BTBD9: variants seen among roughly 807,000 people sequenced by gnomAD.
BTBD9 encodes the protein BTB domain containing 9.
In BTBD9, 49 loss-of-function variants were observed where a neutral mutation model predicts 64.3. The ratio of observed to expected loss-of-function variants is 0.76; its 90% CI spans 0.61 to 0.97. The LOEUF (loss-of-function observed/expected upper bound fraction) is 0.97, where lower values mean the gene tolerates loss of function less well. Ranked by LOEUF, BTBD9 falls within the 50% of genes least tolerant of loss-of-function variation. The probability of loss-of-function intolerance (pLI) is 0.00; values close to 1 mark genes in which losing one functional copy is unlikely to be tolerated. For synonymous variants in BTBD9, 260 were observed against 274.7 expected (o/e 0.95, Z 0.53); for missense variants, 598 against 762.1 (o/e 0.78, Z 2.53).
intron 10 of BTBD9, among the ~76,000 whole-genome samples, chr6:38,182,917 C>CTT (rs35737243): frequency 2.0e-5 from 3 of 151,492 alleles, no homozygotes; most frequent in Non-Finnish European, 2.9e-5. Context: ...CTTTTCCTCT[C>CTT]TTTTTTTCCA....
intron 7 of BTBD9, among the ~76,000 whole-genome samples, chr6:38,339,211 G>A (rs1046191690): frequency 1.3e-5 from 2 of 152,066 alleles, no homozygotes; most frequent in Non-Finnish European, 2.9e-5. Context: ...CAACCCAAAC[G>A]GTTCATCAAT....
At chr6:38,541,874 T>C (rs1353971721) in intron 6 of BTBD9, among the ~76,000 whole-genome samples, 1 of 152,248 alleles carries the variant, frequency 6.6e-6, no homozygotes, top group African/African-American at 2.4e-5. Flanking sequence ...CTTCCATTTG[T>C]ATATGAGTAG....
chr6:38,424,043 T>C (rs1470382522), intron 6 of BTBD9, among the ~76,000 whole-genome samples: 1 of 151,996 alleles, frequency 6.6e-6, no homozygotes, highest in East Asian at 1.9e-4. Context: ...GAGATATGTA[T>C]TCAAAGCATC....
rs1322447409 is a variant in BTBD9, at chr6:38,174,630, CTGAG to C, written c.*351_*354del. The C allele has an allele frequency of 1.6e-5, 4 of 249,834 alleles. No individual in the cohort carries two copies. The allele number at this position is 249,834 out of a possible 1,614,324, so 15.5% of individuals were successfully genotyped here. A position where few individuals can be genotyped will look rare whatever the true frequency, so the allele number is the denominator to read the frequency against. ...AAGGCCCAATGGCTTTCTCCTCCGC[CTGAG>C]TGTTTGCGTGCCATTTTTGTATTCC... On this transcript the variant is annotated 3_prime_UTR_variant, in exon 11 of 11. Transcript: ENST00000481247.
intron 9 of BTBD9, among the ~76,000 whole-genome samples, chr6:38,204,195 A>C (rs538416579): frequency 2.0e-5 from 3 of 152,310 alleles, no homozygotes; most frequent in Admixed American, 2.0e-4. Flanking sequence ...GAGAGGTGTG[A>C]TATGATCCAA....
intron 6 of BTBD9, among the ~76,000 whole-genome samples, chr6:38,500,655 C>T (rs1772155698): frequency 6.6e-6 from 1 of 152,194 alleles, no homozygotes; most frequent in Non-Finnish European, 1.5e-5. Context: ...AATGCCTATC[C>T]ATTGCTCTTA....
intron 6 of BTBD9, among the ~76,000 whole-genome samples, chr6:38,456,635 T>C (rs766153170): frequency 9.2e-5 from 14 of 152,322 alleles, no homozygotes; most frequent in Non-Finnish European, 1.8e-4. Flanking sequence ...TTTTCATGTG[T>C]TTGGTTGCCA....
chr6:38,436,518 G>C (rs1768747936), intron 6 of BTBD9, among the ~76,000 whole-genome samples: 1 of 151,430 alleles, frequency 6.6e-6, no homozygotes, highest in South Asian at 2.1e-4. Flanking sequence ...TGGGATTATA[G>C]GCGTGCGAAA....
At chr6:38,206,642 C>A (rs1463331009) in intron 9 of BTBD9, among the ~76,000 whole-genome samples, 2 of 151,956 alleles carry the variant, frequency 1.3e-5, no homozygotes, top group Non-Finnish European at 1.5e-5. Flanking sequence ...ATCCTAATGC[C>A]AACAAGAAAT....
chr6:38,193,450 CCTGA>C (rs1392987831), intron 9 of BTBD9, among the ~76,000 whole-genome samples: 1 of 152,186 alleles, frequency 6.6e-6, no homozygotes, highest in East Asian at 1.9e-4. Context: ...TTAAGACTGG[CCTGA>C]CTCTGTCTGG....
intron 4 of BTBD9, chr6:38,588,014 C>A (rs1426311736): frequency 1.4e-6 from 1 of 738,914 alleles, no homozygotes; most frequent in Non-Finnish European, 2.5e-6. Context: ...GCCACAGCAA[C>A]CACCATATAC....
chr6:38,633,803 T>C (rs1245223970), intron 1 of BTBD9, among the ~76,000 whole-genome samples: 1 of 151,910 alleles, frequency 6.6e-6, no homozygotes, highest in Non-Finnish European at 1.5e-5. Context: ...AAAAAAAAAA[T>C]ATACATCTCT....
chr6:38,488,423 C>T lies in BTBD9; in HGVS notation c.1154+89177G>A, dbSNP rs116755508. Reference sequence around the variant, plus strand: ...TCAGAATTATCCAGGTTTAGAGCTGCAAGGAACCGTATAGAAACTATGGAC... The same window carrying T: ...TCAGAATTATCCAGGTTTAGAGCTGTAAGGAACCGTATAGAAACTATGGAC... On this transcript the variant is annotated intron_variant, in intron 6 of 10. Coordinates refer to ENST00000481247, the MANE Select transcript of BTBD9 (RefSeq NM_001099272.2). Among the ~76,000 whole-genome samples the T allele has an allele frequency of 1.9e-3, 285 of 152,278 alleles. 1 individual carries two copies. The highest frequency in any genetic ancestry group is 6.5e-3 in the African/African-American group (270 of 41,562).
chr6:38,519,237 G>T (rs1045297491), intron 6 of BTBD9, among the ~76,000 whole-genome samples: 4 of 152,152 alleles, frequency 2.6e-5, no homozygotes, highest in Admixed American at 6.6e-5. Flanking sequence ...TAAAACTTGG[G>T]ATCATAAGGG....
intron 6 of BTBD9, chr6:38,402,695 T>C (rs558975215): frequency 1.5e-4 from 98 of 637,822 alleles, no homozygotes; most frequent in Non-Finnish European, 2.6e-4. Flanking sequence ...AACATAAGAG[T>C]CAAAACTATA....
At chr6:38,330,828 A>G (rs1197226648) in intron 7 of BTBD9, among the ~76,000 whole-genome samples, 1 of 152,232 alleles carries the variant, frequency 6.6e-6, no homozygotes, top group Non-Finnish European at 1.5e-5. Context: ...AATTGGCCAC[A>G]AATTTTAGAA....
At chr6:38,296,880 A>C (rs1223395251) in intron 7 of BTBD9, among the ~76,000 whole-genome samples, 1 of 152,188 alleles carries the variant, frequency 6.6e-6, no homozygotes, top group Non-Finnish European at 1.5e-5. Flanking sequence ...GTCCGATGTG[A>C]CTTCGTAAAA....
chr6:38,362,366 T>C (rs1764996818), intron 6 of BTBD9, among the ~76,000 whole-genome samples: 2 of 152,212 alleles, frequency 1.3e-5, no homozygotes, highest in Admixed American at 1.3e-4. Flanking sequence ...CATTTTCCTT[T>C]TCAAAGTACC....
At chr6:38,569,323 C>T (rs980560042) in intron 6 of BTBD9, among the ~76,000 whole-genome samples, 9 of 152,092 alleles carry the variant, frequency 5.9e-5, no homozygotes, top group Admixed American at 4.6e-4. Context: ...ATGTTTCTTG[C>T]GTGAATGTCT....
Sources: gnomAD v4.1 joint callset for allele counts (sites outside exome capture counted in the v4.1 genomes callset) on GRCh38, gnomAD v4.1.1 for gene constraint, MANE v1.5 for transcripts, NCBI Gene and HGNC (gene_info 2026-07-23, HGNC 2026-07-21) for gene names.